The following POF1B variants were observed in gnomAD, a reference collection of about 807,000 sequenced individuals.
POF1B encodes POF1B actin binding protein.
Under a neutral mutation model 55.3 loss-of-function variants are expected in POF1B, and 53 were observed. The ratio of observed to expected loss-of-function variants is 0.96; its 90% CI spans 0.77 to 1.20. POF1B has a LOEUF of 1.20. Ranked by LOEUF, POF1B falls within the 50% of genes most tolerant of loss-of-function variation. POF1B has a pLI of 0.00. For synonymous variants in POF1B, 188 were observed against 148.3 expected (o/e 1.27, Z -1.95); for missense variants, 478 against 420.5 (o/e 1.14, Z -1.20).
At chrX:85,286,440 T>C (rs1239413240) in intron 15 of POF1B, among the ~76,000 whole-genome samples, 1 of 111,562 alleles carries the variant, frequency 9.0e-6, no homozygotes, top group Admixed American at 9.6e-5. Context: ...TAAATTTAAA[T>C]CTATCCATAT....
chrX:85,354,219 A>G (rs1231700238), intron 4 of POF1B, among the ~76,000 whole-genome samples: 2 of 110,961 alleles, frequency 1.8e-5, no homozygotes, highest in Admixed American at 9.6e-5. Context: ...CTTGTTTTAA[A>G]TAATATTGTA....
intron 6 of POF1B, among the ~76,000 whole-genome samples, chrX:85,345,012 C>T (rs1377488371): frequency 9.0e-6 from 1 of 111,382 alleles, no homozygotes; most frequent in Non-Finnish European, 1.9e-5. Context: ...AATTTCAGTT[C>T]TTAGAAATAA....
At chrX:85,322,421 T>C (rs1251776352) in intron 7 of POF1B, among the ~76,000 whole-genome samples, 1 of 111,562 alleles carries the variant, frequency 9.0e-6, no homozygotes, top group Non-Finnish European at 1.9e-5. Flanking sequence ...ATCCCTTCCT[T>C]ACATCTTATA....
intron 15 of POF1B, among the ~76,000 whole-genome samples, chrX:85,299,665 T>A (rs1339485999): frequency 1.3e-4 from 13 of 97,920 alleles, no homozygotes; most frequent in African/African-American, 4.1e-4. Flanking sequence ...CCACCACGCC[T>A]GGCTAATTTT....
chrX:85,361,069 G>A (rs948835770), intron 3 of POF1B, among the ~76,000 whole-genome samples: 1 of 110,883 alleles, frequency 9.0e-6, no homozygotes, highest in African/African-American at 3.3e-5. Context: ...CTTTTTAATC[G>A]GGTTGTTTGC....
Position 85,314,592 on chromosome X carries a change from A to G in POF1B, c.883-86T>C, listed in dbSNP as rs1603039619. On this transcript the variant is annotated intron_variant, in intron 8 of 16. Coordinates refer to ENST00000262753, the MANE Select transcript of POF1B (RefSeq NM_024921.4). The stretch of plus-strand genomic sequence containing the variant: ...CACAGACTTTTGTGTAATGGGACAT[A>G]TTTTAGGAATATTAAAAGACTAATT... The G allele has an allele frequency of 5.2e-6, 3 of 579,943 alleles. No homozygotes were observed. The South Asian group carries it at 1.6e-4, about 31-fold the overall frequency. The allele number at this position is 579,943 out of a possible 1,213,427, so 47.8% of individuals were successfully genotyped here. A position where few individuals can be genotyped will look rare whatever the true frequency, so the allele number is the denominator to read the frequency against.
rs191346258 is a variant in POF1B, at chrX:85,298,449, C to A, written c.1649+4957G>T. Reference sequence around the variant, plus strand: ...GGTTGCCCTGCTGTCACTTCACTCACCCATTCCTTAGGAGGTGTTCAGGAC... The same window carrying A: ...GGTTGCCCTGCTGTCACTTCACTCAACCATTCCTTAGGAGGTGTTCAGGAC... On this transcript the variant is annotated intron_variant, in intron 15 of 16. Coordinates refer to ENST00000262753, the MANE Select transcript of POF1B (RefSeq NM_024921.4). 1.3e-4 allele frequency among the ~76,000 whole-genome samples: 15 copies of A among 111,460 alleles called. No homozygotes were observed. The East Asian group carries it at 4.3e-3, about 32-fold the overall frequency.
chrX:85,328,855 AAAC>A (rs1481698666), intron 7 of POF1B, among the ~76,000 whole-genome samples: 2 of 109,554 alleles, frequency 1.8e-5, no homozygotes, highest in African/African-American at 6.7e-5. Flanking sequence ...CAAAACAAAC[AAAC>A]AAAAAAAAAA....
chrX:85,329,155 G>A (rs1011748322), intron 7 of POF1B, among the ~76,000 whole-genome samples: 6 of 112,006 alleles, frequency 5.4e-5, no homozygotes, highest in Admixed American at 4.7e-4. Flanking sequence ...GTCTTCATCT[G>A]AAAGTTTGTA....
intron 15 of POF1B, among the ~76,000 whole-genome samples, chrX:85,283,893 T>A (rs1931970111): frequency 9.0e-6 from 1 of 111,241 alleles, no homozygotes; most frequent in African/African-American, 3.3e-5. Flanking sequence ...AAGAGCAATA[T>A]TGTTAAAGTA....
At chrX:85,314,864 G>T (rs750196508) in intron 8 of POF1B, among the ~76,000 whole-genome samples, 4 of 111,522 alleles carry the variant, frequency 3.6e-5, no homozygotes, top group Non-Finnish European at 3.8e-5. Flanking sequence ...TGGAAGTTTT[G>T]TTGAGTGACA....
chrX:85,332,558 T>C (rs1368405462), intron 6 of POF1B, among the ~76,000 whole-genome samples: 2 of 111,451 alleles, frequency 1.8e-5, no homozygotes, highest in Non-Finnish European at 3.8e-5. Context: ...TTCTTAAGCA[T>C]ATAGATGGTA....
chrX:85,336,270 T>A (rs1933072834), intron 6 of POF1B, among the ~76,000 whole-genome samples: 1 of 110,668 alleles, frequency 9.0e-6, no homozygotes, highest in South Asian at 3.8e-4. Context: ...ATAAAGAAAA[T>A]TTTTAGATTC....
intron 7 of POF1B, among the ~76,000 whole-genome samples, chrX:85,323,743 T>C (rs1410048283): frequency 9.0e-6 from 1 of 111,534 alleles, no homozygotes; most frequent in Non-Finnish European, 1.9e-5. Context: ...TGGTTATTTC[T>C]TGTCTTCTAC....
chrX:85,290,095 G>A (rs1932147240), intron 15 of POF1B, among the ~76,000 whole-genome samples: 1 of 110,788 alleles, frequency 9.0e-6, no homozygotes, highest in South Asian at 3.8e-4. Flanking sequence ...TAGTTTTTCA[G>A]CCCTTGCCTG....
intron 15 of POF1B, among the ~76,000 whole-genome samples, chrX:85,298,349 TC>T (rs1219602961): frequency 3.0e-4 from 34 of 111,868 alleles, no homozygotes; most frequent in African/African-American, 1.1e-3. Flanking sequence ...GGGCAGATCC[TC>T]CTGACAATTG....
chrX:85,342,990 C>G (rs59784364), intron 6 of POF1B, among the ~76,000 whole-genome samples: 3,696 of 89,600 alleles, frequency 0.041, 158 homozygotes, highest in African/African-American at 0.13. Flanking sequence ...AGGGCCTATT[C>G]TATTTTCAGC....
At chrX:85,294,816 T>C (rs1932273882) in intron 15 of POF1B, among the ~76,000 whole-genome samples, 1 of 112,108 alleles carries the variant, frequency 8.9e-6, no homozygotes, top group African/African-American at 3.2e-5. Flanking sequence ...GTATGTCTGG[T>C]AGTATTTACC....
At chrX:85,326,616 G>A (rs1331464228) in intron 7 of POF1B, among the ~76,000 whole-genome samples, 2 of 110,593 alleles carry the variant, frequency 1.8e-5, no homozygotes, top group Non-Finnish European at 3.8e-5. Context: ...AGATGCATGC[G>A]CACATTCATG....
Sources: gnomAD v4.1 joint callset for allele counts (sites outside exome capture counted in the v4.1 genomes callset) on GRCh38, gnomAD v4.1.1 for gene constraint, MANE v1.5 for transcripts, NCBI Gene and HGNC (gene_info 2026-07-23, HGNC 2026-07-21) for gene names.